Variants in IQCM observed in about 807,000 individuals in gnomAD.
The protein encoded by IQCM is IQ domain-containing protein M.
Under a neutral mutation model 57.6 loss-of-function variants are expected in IQCM, and 45 were observed. That is an observed-to-expected ratio of 0.78 (90% confidence interval 0.62 to 1.00). The LOEUF is 1.00. Among genes scored for constraint, IQCM ranks in the 50% least tolerant of loss-of-function variants. IQCM has a pLI of 0.00. For synonymous variants in IQCM, 148 were observed against 158.9 expected (o/e 0.93, Z 0.51); for missense variants, 468 against 511.6 (o/e 0.91, Z 0.82).
At chr4:149,398,661 A>G (rs1273557664) in intron 13 of IQCM, among the ~76,000 whole-genome samples, 2 of 151,880 alleles carry the variant, frequency 1.3e-5, no homozygotes, top group Non-Finnish European at 2.9e-5. Context: ...TTATTATTGC[A>G]TTGTTTTTTG....
chr4:149,578,370 T>C (rs1295708680), intron 9 of IQCM, among the ~76,000 whole-genome samples: 2 of 151,702 alleles, frequency 1.3e-5, no homozygotes, highest in Non-Finnish European at 2.9e-5. Flanking sequence ...TACTGAAAAA[T>C]ATTACCATTG....
At chr4:149,410,665 A>G (rs575591207) in intron 13 of IQCM, among the ~76,000 whole-genome samples, 3 of 151,958 alleles carry the variant, frequency 2.0e-5, no homozygotes, top group African/African-American at 7.2e-5. Context: ...TTGCTCTTGT[A>G]CCTTTGCCTT....
intron 7 of IQCM, among the ~76,000 whole-genome samples, chr4:149,626,739 A>C (rs1251414373): frequency 6.6e-6 from 1 of 152,118 alleles, no homozygotes; most frequent in Non-Finnish European, 1.5e-5. Flanking sequence ...ATAATGATAA[A>C]GGAGAAGATG....
chr4:149,602,705 ATAACT>A (rs1252487743), intron 8 of IQCM, among the ~76,000 whole-genome samples: 1 of 152,096 alleles, frequency 6.6e-6, no homozygotes, highest in Non-Finnish European at 1.5e-5. Flanking sequence ...AAATTTTTAA[ATAACT>A]TAATAAAGTT....
chr4:149,786,216 G>A (rs1206242038), intron 2 of IQCM, among the ~76,000 whole-genome samples: 1 of 152,140 alleles, frequency 6.6e-6, no homozygotes, highest in African/African-American at 2.4e-5. Context: ...ATTGCCCCCA[G>A]CTTACTGCCT....
chr4:149,486,989 T>C (rs1419703586), intron 12 of IQCM, among the ~76,000 whole-genome samples: 1 of 143,500 alleles, frequency 7.0e-6, no homozygotes, highest in African/African-American at 2.4e-5. Flanking sequence ...CCCTCTGCTT[T>C]TCTCAAACAG....
intron 2 of IQCM, among the ~76,000 whole-genome samples, chr4:149,794,189 T>C (rs1580317433): frequency 6.6e-6 from 1 of 152,174 alleles, no homozygotes; most frequent in Non-Finnish European, 1.5e-5. Context: ...GAGTAGATTG[T>C]AGGGCAGTAT....
At chr4:149,419,431 C>T (rs527828934) in intron 13 of IQCM, among the ~76,000 whole-genome samples, 5 of 152,072 alleles carry the variant, frequency 3.3e-5, no homozygotes, top group African/African-American at 1.2e-4. Flanking sequence ...GGAGATCTGG[C>T]TAGCCATATG....
At chr4:149,480,779 C>A (rs2149749812) in intron 12 of IQCM, among the ~76,000 whole-genome samples, 1 of 152,262 alleles carries the variant, frequency 6.6e-6, no homozygotes, top group African/African-American at 2.4e-5. Flanking sequence ...ATGTACCCAG[C>A]AGTGGGAATG....
chr4:149,711,845 G>A (rs17502535), intron 5 of IQCM, among the ~76,000 whole-genome samples: 2,382 of 152,254 alleles, frequency 0.016, 33 homozygotes, highest in Middle Eastern at 0.037. Flanking sequence ...ATGAGCACCT[G>A]TTAAATGTGA....
rs572996945 is a variant in IQCM, at chr4:149,368,990, G to A, written c.1391-16924C>T. Among the ~76,000 whole-genome samples the A allele has an allele frequency of 5.0e-3, 69 of 13,878 alleles. 7 individuals are homozygous for A. The highest frequency in any genetic ancestry group is 8.4e-3 in the Non-Finnish European group (61 of 7,304). 9.1% of individuals were successfully genotyped at this position (13,878 alleles called of 152,430 possible). On this transcript the variant is annotated intron_variant, in intron 13 of 13. Transcript: ENST00000636793. ...TATATATATGTGTATATATATACAC[G>A]TGTATATATATATATATACACGTGT...
intron 5 of IQCM, among the ~76,000 whole-genome samples, chr4:149,690,600 C>A (rs1225581610): frequency 6.6e-6 from 1 of 151,980 alleles, no homozygotes; most frequent in Admixed American, 6.6e-5. Context: ...AGAAATAAAA[C>A]ATATGGGAAA....
chr4:149,617,680 G>A (rs1755921730), intron 8 of IQCM, among the ~76,000 whole-genome samples: 2 of 151,970 alleles, frequency 1.3e-5, no homozygotes. Context: ...CAAAATCAAT[G>A]TACAAAAATT....
intron 13 of IQCM, among the ~76,000 whole-genome samples, chr4:149,418,020 C>A (rs1733869231): frequency 6.6e-6 from 1 of 151,382 alleles, no homozygotes; most frequent in East Asian, 2.0e-4. Context: ...CTAGGAAGAT[C>A]TCAAATTGAC....
At chr4:149,472,958 A>G (rs187063905) in intron 12 of IQCM, among the ~76,000 whole-genome samples, 52 of 152,356 alleles carry the variant, frequency 3.4e-4, no homozygotes, top group Non-Finnish European at 6.0e-4. Flanking sequence ...CTTACACCTT[A>G]TACAAAAATT....
chr4:149,731,105 G>T (rs1250629336), intron 5 of IQCM, among the ~76,000 whole-genome samples: 2 of 152,110 alleles, frequency 1.3e-5, no homozygotes, highest in East Asian at 3.9e-4. Flanking sequence ...TCCAAAATCT[G>T]CTCCTCCCCT....
At chr4:149,706,811 T>C (rs1214371743) in intron 5 of IQCM, among the ~76,000 whole-genome samples, 5 of 152,008 alleles carry the variant, frequency 3.3e-5, no homozygotes, top group Admixed American at 6.6e-5. Flanking sequence ...GGAAATTCAC[T>C]GAGGCTCTCT....
chr4:149,456,172 G>C (rs1737681453), intron 12 of IQCM, among the ~76,000 whole-genome samples: 1 of 151,982 alleles, frequency 6.6e-6, no homozygotes, highest in African/African-American at 2.4e-5. Context: ...TGAATGAAGA[G>C]TGGAGAGTTG....
chr4:149,718,705 C>T (rs966188273), intron 5 of IQCM, among the ~76,000 whole-genome samples: 4 of 152,284 alleles, frequency 2.6e-5, no homozygotes, highest in East Asian at 3.9e-4. Flanking sequence ...CCTCTAGGGA[C>T]AAATCCATCC....
Sources: gnomAD v4.1 joint callset for allele counts (sites outside exome capture counted in the v4.1 genomes callset) on GRCh38, gnomAD v4.1.1 for gene constraint, MANE v1.5 for transcripts, NCBI Gene and HGNC (gene_info 2026-07-23, HGNC 2026-07-21) for gene names.